Variants in ABCA1 observed in about 807,000 individuals in gnomAD.
ABCA1 encodes the protein phospholipid-transporting ATPase ABCA1.
A neutral mutation model predicts 262.5 loss-of-function variants in ABCA1; 133 were observed. The observed-to-expected ratio is 0.51, with a 90% CI of 0.44 to 0.59. The LOEUF (loss-of-function observed/expected upper bound fraction) is 0.59, where lower values mean the gene tolerates loss of function less well. Among genes scored for constraint, ABCA1 ranks in the 20% least tolerant of loss-of-function variants. The pLI is 0.00. For missense variants in ABCA1, 2,452 were observed against 2,777.5 expected (o/e 0.88, Z 2.63); for synonymous variants, 1,022 against 1,043.5 (o/e 0.98, Z 0.40).
chr9:104,916,971 C>T (rs1841884700), intron 1 of ABCA1, among the ~76,000 whole-genome samples: 4 of 152,208 alleles, frequency 2.6e-5, no homozygotes, highest in Admixed American at 2.6e-4. Flanking sequence ...AACCGTAACA[C>T]TAGACCCCAA....
intron 5 of ABCA1, among the ~76,000 whole-genome samples, chr9:104,868,257 G>C (rs1837266090): frequency 6.6e-6 from 1 of 152,186 alleles, no homozygotes; most frequent in Admixed American, 6.5e-5. Flanking sequence ...TACTCAGGAA[G>C]CTGAGGCAGG....
rs375239790 is a variant in ABCA1, at chr9:104,837,413, C to G, written c.1194+15G>C. On this transcript the variant is annotated intron_variant, in intron 10 of 49. Transcript: ENST00000374736. ...GAGATTCTGGGGAGGGAGTCTTGGG[C>G]TGGGGGCAGCTTACCTCAGCCATGA... 1.9e-6 allele frequency: 3 copies of G among 1,613,816 alleles called. No homozygotes were observed. The African/African-American group carries it at 4.0e-5, about 22-fold the overall frequency.
intron 2 of ABCA1, among the ~76,000 whole-genome samples, chr9:104,896,929 T>C (rs990326694): frequency 6.6e-6 from 1 of 151,400 alleles, no homozygotes; most frequent in Non-Finnish European, 1.5e-5. Context: ...GGAGTCTTGC[T>C]ATGCTGCCCA....
At chr9:104,826,820 T>G (rs1832848388) in intron 16 of ABCA1, 128 bp downstream of exon 16, 2 of 877,820 alleles carry the variant, frequency 2.3e-6, no homozygotes, top group South Asian at 1.4e-5. Context: ...GCTTAGAATC[T>G]AGAGCTAAGG....
At chr9:104,813,263 G>A (rs924476715) in intron 27 of ABCA1, among the ~76,000 whole-genome samples, 4 of 152,138 alleles carry the variant, frequency 2.6e-5, no homozygotes, top group African/African-American at 9.7e-5. Flanking sequence ...AAAGTTTTCT[G>A]TTCCTAAAAA....
intron 37 of ABCA1, 50 bp from the exon 38 acceptor site, chr9:104,796,474 A>C: frequency 1.4e-6 from 2 of 1,395,366 alleles, no homozygotes; most frequent in African/African-American, 1.4e-5. Flanking sequence ...CAAATATACA[A>C]TGCATCACAC....
At chr9:104,805,624 G>T (rs535306871) in intron 31 of ABCA1, among the ~76,000 whole-genome samples, 2 of 152,274 alleles carry the variant, frequency 1.3e-5, no homozygotes, top group East Asian at 3.9e-4. Context: ...TAATTCAGAG[G>T]TGAAGAAACA....
chr9:104,918,480 A>G, intron 1 of ABCA1, among the ~76,000 whole-genome samples: 1 of 152,198 alleles, frequency 6.6e-6, no homozygotes, highest in East Asian at 1.9e-4. Flanking sequence ...CAGATTCTTA[A>G]AAGTCTTTTG....
At chr9:104,896,706 C>T (rs1227429549) in intron 2 of ABCA1, among the ~76,000 whole-genome samples, 33 of 117,300 alleles carry the variant, frequency 2.8e-4, no homozygotes, top group Non-Finnish European at 5.0e-4. Context: ...TTGCTCCCTA[C>T]ACATCTTTTT....
Position 104,861,291 on chromosome 9 carries a change from C to A in ABCA1, c.543+388G>T, listed in dbSNP as rs1836361847. On this transcript the variant is annotated intron_variant, in intron 6 of 49. Transcript: ENST00000374736. ...CTCCAAATACACCCTTGTCTAAAGT[C>A]TCCTGTCCTCAATTTTTTAGACAGA... 13 of 340,480 alleles carry A rather than the reference C, an allele frequency of 3.8e-5. No homozygotes were observed. In the South Asian group the frequency reaches 4.2e-4, roughly 11 times the overall value. The allele number at this position is 340,480 out of a possible 1,614,324, so 21.1% of individuals were successfully genotyped here.
chr9:104,837,061 A>G lies in ABCA1; in HGVS notation c.1230T>C (p.His410=), dbSNP rs541561816. 5.6e-6 allele frequency: 9 copies of G among 1,613,928 alleles called. No individual in the cohort carries two copies. The African/African-American group carries it at 1.1e-4, about 19-fold the overall frequency. ...GTTCCTCCCACATGCCTTCCAGATC[A>G]TGGAACACAGCCAGTTCCTGGAAGG... ...NKTFQELAVF[H]DLEGMWEELS... is the part of the protein sequence containing the mutation. Residue 410 remains histidine, a synonymous_variant, in exon 11 of 50, where the codon CAT becomes CAC. Transcript: ENST00000374736.
intron 5 of ABCA1, among the ~76,000 whole-genome samples, chr9:104,862,668 C>CACCCCCACCCCCA (rs1564198776): frequency 1.4e-4 from 1 of 6,978 alleles, no homozygotes; most frequent in African/African-American, 5.3e-4. Flanking sequence ...CCGGGCCGGG[C>CACCCCCACCCCCA]CGGGCCGGGC....
chr9:104,795,810 T>C (rs558812666), intron 39 of ABCA1, among the ~76,000 whole-genome samples: 15 of 151,892 alleles, frequency 9.9e-5, no homozygotes, highest in African/African-American at 2.2e-4. Context: ...AAGAGCAACA[T>C]TGAAAAAAGA....
chr9:104,874,285 C>A (rs1837899775), intron 5 of ABCA1, among the ~76,000 whole-genome samples: 1 of 152,028 alleles, frequency 6.6e-6, no homozygotes, highest in South Asian at 2.1e-4. Context: ...CCTGTAATCC[C>A]AGCACTTTGG....
At chr9:104,917,249 C>T (rs1031741422) in intron 1 of ABCA1, among the ~76,000 whole-genome samples, 1 of 152,164 alleles carries the variant, frequency 6.6e-6, no homozygotes, top group African/African-American at 2.4e-5. Context: ...TTCTCCTCGG[C>T]TCAGGTGCAT....
chr9:104,824,710 G>C, intron 17 of ABCA1, 132 bp from the exon 18 acceptor site: 1 of 1,137,578 alleles, frequency 8.8e-7, no homozygotes, highest in Non-Finnish European at 1.3e-6. Flanking sequence ...TGGGGAAAGA[G>C]GGAGCTAACA....
At chr9:104,919,200 G>C (rs1351653351) in intron 1 of ABCA1, among the ~76,000 whole-genome samples, 1 of 152,180 alleles carries the variant, frequency 6.6e-6, no homozygotes, top group Non-Finnish European at 1.5e-5. Context: ...ATGAGGTATA[G>C]TCCAATTCTC....
rs142310967 is a variant in ABCA1 at position 104,856,223 on chromosome 9, T to C, written c.720+2299A>G. 1.2e-5 allele frequency: 17 copies of C among 1,388,588 alleles called. No homozygotes were observed. In the East Asian group the frequency reaches 4.0e-4, roughly 33 times the overall value. The allele number at this position is 1,388,588 out of a possible 1,614,324, so 86.0% of individuals were successfully genotyped here. On this transcript the variant is annotated intron_variant, in intron 7 of 49. Transcript: ENST00000374736. Reference sequence around the variant, plus strand: ...AAGTAAGAGTCACATTTCAAAATGTTTGGAAGTCATTTCATCCTAAAGCCT... The same window carrying C: ...AAGTAAGAGTCACATTTCAAAATGTCTGGAAGTCATTTCATCCTAAAGCCT...
At chr9:104,900,053 C>A (rs543780243) in intron 2 of ABCA1, among the ~76,000 whole-genome samples, 1 of 152,164 alleles carries the variant, frequency 6.6e-6, no homozygotes, top group Non-Finnish European at 1.5e-5. Context: ...GATGGTCCCC[C>A]CTCAGTCTGC....
Sources: gnomAD v4.1 joint callset for allele counts (sites outside exome capture counted in the v4.1 genomes callset) on GRCh38, gnomAD v4.1.1 for gene constraint, MANE v1.5 for transcripts, NCBI Gene and HGNC (gene_info 2026-07-23, HGNC 2026-07-21) for gene names.